Variants in SAMD4B observed in about 807,000 individuals in gnomAD.
SAMD4B encodes the protein sterile alpha motif domain containing 4B, also known as protein Smaug homolog 2.
Under a neutral mutation model 74.5 loss-of-function variants are expected in SAMD4B, and 5 were observed. That is an observed-to-expected ratio of 0.07 (90% CI 0.04 to 0.14). The LOEUF is 0.14. SAMD4B is among the 10% of genes least tolerant of loss of function. The pLI is 1.00. For missense variants in SAMD4B, 608 were observed against 921.8 expected (o/e 0.66, Z 4.41); for synonymous variants, 373 against 374.9 (o/e 1.00, Z 0.06).
chr19:39,369,255 G>C, intron 3 of SAMD4B: 5 of 253,042 alleles, frequency 2.0e-5, no homozygotes, highest in Non-Finnish European at 3.9e-5. Context: ...ATGCTGATTG[G>C]GTGTCTGCAC....
At chr19:39,362,725 T>C (rs1016237443) in intron 3 of SAMD4B, among the ~76,000 whole-genome samples, 5 of 152,066 alleles carry the variant, frequency 3.3e-5, no homozygotes, top group African/African-American at 1.2e-4. Context: ...TCAGGGGAGC[T>C]GAATTCCACT....
At chr19:39,360,775 G>A (rs966896232) in intron 3 of SAMD4B, among the ~76,000 whole-genome samples, 17 of 152,144 alleles carry the variant, frequency 1.1e-4, no homozygotes, top group African/African-American at 4.1e-4. Context: ...ATTCCCTGGT[G>A]TTTCTCAAAC....
chr19:39,377,902 G>A (rs1182402292), intron 8 of SAMD4B, 78 bp downstream of exon 8: 20 of 1,360,884 alleles, frequency 1.5e-5, no homozygotes, highest in East Asian at 1.2e-4. Context: ...TCAAATCCAA[G>A]TTCGATGGTG....
chr19:39,369,872 G>A lies in SAMD4B; in HGVS notation c.414G>A (p.Glu138=). ...YALIHPATTL[E]DRNALALWLS... ...TCATCCACCCAGCCACCACACTGGA[G>A]GACCGCAACGCACTGGCCCTCTGGC... The change falls in exon 4 of 14, where the codon GAG becomes GAA. Residue 138 remains glutamate (E), a synonymous_variant. Coordinates refer to ENST00000610417, the MANE Select transcript of SAMD4B (RefSeq NM_001384574.2). The A allele has an allele frequency of 1.2e-6, 2 of 1,614,240 alleles. No individual in the cohort carries two copies. Among genetic ancestry groups the A allele is most frequent in the Non-Finnish European group, 1.7e-6 (2 of 1,180,042 alleles).
downstream of SAMD4B, chr19:39,388,897 G>GA (rs1470016152): frequency 6.2e-7 from 1 of 1,611,194 alleles, no homozygotes; most frequent in African/African-American, 1.3e-5. Context: ...GGTTAGATGG[G>GA]AACAGGCACA....
chr19:39,358,602 TA>T (rs35430173), intron 3 of SAMD4B, among the ~76,000 whole-genome samples: 264 of 130,150 alleles, frequency 2.0e-3, no homozygotes, highest in Admixed American at 2.1e-3. Flanking sequence ...GTAACCTCAG[TA>T]AAAAAAAAAA....
intron 3 of SAMD4B, among the ~76,000 whole-genome samples, chr19:39,366,323 TAGCC>T (rs1324001027): frequency 6.6e-6 from 1 of 151,150 alleles, no homozygotes; most frequent in African/African-American, 2.4e-5. Flanking sequence ...CAAAAAAAAA[TAGCC>T]AGGCATGGTG....
chr19:39,355,474 G>T (rs1214221651), intron 2 of SAMD4B, among the ~76,000 whole-genome samples: 1 of 152,146 alleles, frequency 6.6e-6, no homozygotes, highest in African/African-American at 2.4e-5. Context: ...AGCTCCCTTA[G>T]ACCTGAGCCC....
At chr19:39,386,143 A>AATC (rs1196734854), downstream of SAMD4B, 2 of 1,614,098 alleles carry the variant, frequency 1.2e-6, no homozygotes, top group East Asian at 4.5e-5. This position sits in a 1 kb window ranked among gnomAD's most constrained non-coding sequence, Gnocchi z 6.1. Context: ...CCGCTGTCTG[A>AATC]ATCATTGTCA....
intron 3 of SAMD4B, among the ~76,000 whole-genome samples, chr19:39,358,541 C>T (rs1600534068): frequency 6.6e-6 from 1 of 151,670 alleles, no homozygotes; most frequent in East Asian, 2.0e-4. Flanking sequence ...TGAGCCACCG[C>T]ACCCAGCCAG....
rs2031430368 is a variant in SAMD4B, at chr19:39,385,053, G to C, written c.*1526G>C. 1 of 152,526 alleles carries C rather than the reference G, an allele frequency of 6.6e-6. No homozygotes were observed. Among genetic ancestry groups the C allele is most frequent in the African/African-American group, 2.4e-5 (1 of 41,448 alleles). 9.4% of individuals were successfully genotyped at this position (152,526 alleles called of 1,614,324 possible). ...GGGGGAAGAAGCCAGGGGGTAGGGT[G>C]GCCCTGGGAACCTGGCTCTGGGTCC... On this transcript the variant is annotated 3_prime_UTR_variant, in exon 14 of 14. Coordinates refer to ENST00000610417, the MANE Select transcript of SAMD4B (RefSeq NM_001384574.2).
chr19:39,379,497 C>T (rs1407516091), intron 9 of SAMD4B, among the ~76,000 whole-genome samples: 2 of 152,226 alleles, frequency 1.3e-5, no homozygotes, highest in Non-Finnish European at 2.9e-5. Context: ...TCCCTCACAA[C>T]CAGACTGTAA....
rs183544930 is a variant in SAMD4B, at chr19:39,370,507, C to G, written c.667+382C>G. ...TATAGAGCTTAATGTTGAGCATGCC[C>G]TTTAGACCCTGCACAAGTGCCCTAG... On this transcript the variant is annotated intron_variant, in intron 4 of 13. Transcript: ENST00000610417. Among the ~76,000 whole-genome samples, 728 of 152,298 alleles carry G rather than the reference C, an allele frequency of 4.8e-3. 2 individuals carry two copies. Among genetic ancestry groups the G allele is most frequent in the Non-Finnish European group, 6.9e-3 (472 of 68,028 alleles).
intron 1 of SAMD4B, among the ~76,000 whole-genome samples, chr19:39,344,985 G>A (rs2075606846): frequency 2.0e-5 from 3 of 152,078 alleles, no homozygotes; most frequent in Admixed American, 2.0e-4. Context: ...TATAGCAGTG[G>A]TTCTCAGTGT....
At chr19:39,355,243 T>A (rs1489208754) in intron 2 of SAMD4B, among the ~76,000 whole-genome samples, 1 of 152,130 alleles carries the variant, frequency 6.6e-6, no homozygotes, top group East Asian at 1.9e-4. Flanking sequence ...GACATCTGAT[T>A]TCCCCTTTAA....
At position 39,385,395 on chromosome 19, in the gene SAMD4B, C is replaced by T. The variant is rs1228803057; in HGVS notation, c.*1868C>T. On this transcript the variant is annotated 3_prime_UTR_variant, in exon 14 of 14. Transcript: ENST00000610417. The stretch of plus-strand genomic sequence containing the variant: ...GGCACTGGGAGGTGGTGAGGGACAC[C>T]GTCTCACACACACAGGGAGGCAAGA... 3 of 406,720 alleles carry T rather than the reference C, an allele frequency of 7.4e-6. No individual in the cohort carries two copies. Among genetic ancestry groups the T allele is most frequent in the Admixed American group, 4.0e-5 (1 of 25,094 alleles). 25.2% of individuals were successfully genotyped at this position (406,720 alleles called of 1,614,324 possible). A position where few individuals can be genotyped will look rare whatever the true frequency, so the allele number is the denominator to read the frequency against.
rs547795715 is a variant in SAMD4B, at chr19:39,383,608, C to T, written c.*81C>T. 3.1e-6 allele frequency: 5 copies of T among 1,613,688 alleles called. No individual in the cohort carries two copies. Among genetic ancestry groups the T allele is most frequent in the South Asian group, 1.1e-5 (1 of 91,062 alleles). The stretch of plus-strand genomic sequence containing the variant: ...CCCCCAACGGGCTTCTCCGCGACAG[C>T]GAGAGGGTGGGCTGGCTCAGCTATA... On this transcript the variant is annotated 3_prime_UTR_variant, in exon 14 of 14. Transcript: ENST00000610417. This position sits in a 1 kb window ranked among gnomAD's most constrained non-coding sequence, Gnocchi z 4.1.
rs749325461 is a variant in SAMD4B, at chr19:39,383,243, C to A, written c.2008C>A (p.Pro670Thr). The A allele has an allele frequency of 1.2e-6, 2 of 1,614,180 alleles. No homozygotes were observed. Among genetic ancestry groups the A allele is most frequent in the Admixed American group, 1.7e-5 (1 of 60,026 alleles). The change falls in exon 13 of 14, where the codon CCC (proline) becomes ACC (threonine). Residue 670 changes from proline to threonine, a missense_variant. Around this residue, in one of 9 missense-constraint regions of SAMD4B, gnomAD observed 15 missense variants for 40.5 expected, o/e 0.37. Transcript: ENST00000610417. The surrounding 1 kb of genome is among the most constrained non-coding windows in gnomAD (Gnocchi z 4.1). ...PVPGPDLEINPTLESLCLSMT... is the reference protein window; with the variant it reads ...PVPGPDLEINTTLESLCLSMT... ...TCCTGGGCCTGACCTGGAGATCAATCCCACTCTGGAGTCTCTGTGTCTGAG... is the reference window on the plus strand; with the variant it reads ...TCCTGGGCCTGACCTGGAGATCAATACCACTCTGGAGTCTCTGTGTCTGAG...
intron 3 of SAMD4B, among the ~76,000 whole-genome samples, chr19:39,367,460 T>A (rs1440400842): frequency 1.3e-5 from 2 of 151,996 alleles, no homozygotes; most frequent in Admixed American, 1.3e-4. Context: ...TCTTCCACCC[T>A]GTTTAGCTAG....
Sources: gnomAD v4.1 joint callset for allele counts (sites outside exome capture counted in the v4.1 genomes callset) on GRCh38, gnomAD v4.1.1 for gene constraint, gnomAD v4.1.1 regional missense constraint, Gnocchi (gnomAD v3.1) non-coding constraint, MANE v1.5 for transcripts, NCBI Gene and HGNC (gene_info 2026-07-23, HGNC 2026-07-21) for gene names.